Variants in FSTL5 observed in about 807,000 individuals in gnomAD.
The protein encoded by FSTL5 is follistatin like 5.
FSTL5 carries 62 observed loss-of-function variants against 89.1 expected under a neutral mutation model. The observed-to-expected ratio is 0.70, with a 90% confidence interval of 0.57 to 0.86. The LOEUF is 0.86. Ranked by LOEUF, FSTL5 falls within the 40% of genes least tolerant of loss-of-function variation. The probability of loss-of-function intolerance (pLI) is 0.00; values close to 1 mark genes in which losing one functional copy is unlikely to be tolerated. For missense variants in FSTL5, 1,057 were observed against 1,001.6 expected (o/e 1.06, Z -0.75); for synonymous variants, 383 against 346.2 (o/e 1.11, Z -1.18).
At chr4:161,622,425 C>G (rs993914808) in intron 7 of FSTL5, among the ~76,000 whole-genome samples, 4 of 151,970 alleles carry the variant, frequency 2.6e-5, no homozygotes, top group African/African-American at 9.7e-5. Context: ...AAACACATTA[C>G]TACAATAGAA....
chr4:161,412,568 G>A (rs1731630314), intron 15 of FSTL5, among the ~76,000 whole-genome samples: 1 of 152,112 alleles, frequency 6.6e-6, no homozygotes, highest in Admixed American at 6.6e-5. Flanking sequence ...GTTAATGGGT[G>A]CAGCAAACCA....
chr4:161,438,920 C>CTGGTAT (rs1464896761), intron 15 of FSTL5, among the ~76,000 whole-genome samples: 1 of 150,186 alleles, frequency 6.7e-6, no homozygotes, highest in African/African-American at 2.4e-5. Context: ...AAAGTCTATG[C>CTGGTAT]TGGTATTATA....
chr4:162,008,903 T>A (rs1736685019), intron 3 of FSTL5, among the ~76,000 whole-genome samples: 1 of 152,054 alleles, frequency 6.6e-6, no homozygotes, highest in African/African-American at 2.4e-5. Flanking sequence ...TGTAAGAATG[T>A]TTCTCTACTT....
At chr4:161,631,401 G>C (rs1471845092) in intron 7 of FSTL5, among the ~76,000 whole-genome samples, 2 of 152,064 alleles carry the variant, frequency 1.3e-5, no homozygotes, top group East Asian at 3.9e-4. Flanking sequence ...ATGGATCACT[G>C]GGGTCACAAG....
chr4:161,404,243 G>A (rs1731280211), intron 15 of FSTL5, among the ~76,000 whole-genome samples: 1 of 152,200 alleles, frequency 6.6e-6, no homozygotes, highest in Admixed American at 6.5e-5. Flanking sequence ...TGAAGCTACT[G>A]AAGCGTGGGT....
chr4:161,828,009 A>T (rs1730719509), intron 4 of FSTL5, among the ~76,000 whole-genome samples: 1 of 152,218 alleles, frequency 6.6e-6, no homozygotes, highest in Admixed American at 6.5e-5. Flanking sequence ...TACAAAGTTC[A>T]GCTGGAAGTT....
At chr4:162,156,122 A>G (rs529305602) in intron 1 of FSTL5, among the ~76,000 whole-genome samples, 18 of 152,302 alleles carry the variant, frequency 1.2e-4, no homozygotes, top group African/African-American at 3.8e-4. Flanking sequence ...TTCAGAAGAC[A>G]TACAAACATG....
At chr4:161,671,249 C>T (rs1247857426) in intron 6 of FSTL5, among the ~76,000 whole-genome samples, 2 of 152,124 alleles carry the variant, frequency 1.3e-5, no homozygotes, top group Non-Finnish European at 2.9e-5. Context: ...ATATTAGAAC[C>T]TTCTTTACAT....
chr4:161,568,173 T>C (rs570983992), intron 8 of FSTL5, among the ~76,000 whole-genome samples: 2 of 152,182 alleles, frequency 1.3e-5, no homozygotes, highest in African/African-American at 4.8e-5. Flanking sequence ...TTACCCACAA[T>C]GCAGGTAATA....
intron 3 of FSTL5, among the ~76,000 whole-genome samples, chr4:161,937,947 TAGCAACATGTCC>T (rs144936271): frequency 0.054 from 8,275 of 152,274 alleles, 282 homozygotes; most frequent in Non-Finnish European, 0.08. Flanking sequence ...CTCACCTTTC[TAGCAACATGTCC>T]AGTTTCTTTG....
intron 7 of FSTL5, among the ~76,000 whole-genome samples, chr4:161,591,352 T>A (rs1336255207): frequency 6.6e-6 from 1 of 152,112 alleles, no homozygotes; most frequent in Non-Finnish European, 1.5e-5. Context: ...GAAGTCCTTT[T>A]TGGAGGGATG....
chr4:161,651,240 G>A (rs1736330344), intron 7 of FSTL5, among the ~76,000 whole-genome samples: 1 of 150,992 alleles, frequency 6.6e-6, no homozygotes, highest in Admixed American at 6.6e-5. Context: ...CCAGCTGAGT[G>A]AATATAATGG....
intron 5 of FSTL5, among the ~76,000 whole-genome samples, chr4:161,768,575 T>C (rs1257008033): frequency 6.6e-6 from 1 of 151,998 alleles, no homozygotes; most frequent in African/African-American, 2.4e-5. Context: ...CTAAACTGTA[T>C]TTCAATGTGT....
At chr4:161,667,661 C>T (rs1440913791) in intron 6 of FSTL5, among the ~76,000 whole-genome samples, 4 of 152,014 alleles carry the variant, frequency 2.6e-5, no homozygotes, top group African/African-American at 9.7e-5. Context: ...GTATTTGATT[C>T]ATTTAACTTT....
chr4:161,963,726 A>G (rs184130133), intron 3 of FSTL5, among the ~76,000 whole-genome samples: 70 of 152,128 alleles, frequency 4.6e-4, no homozygotes, highest in Admixed American at 2.0e-4. Flanking sequence ...CATAATGTAC[A>G]TACTTATGAT....
intron 15 of FSTL5, among the ~76,000 whole-genome samples, chr4:161,413,111 A>G (rs1210324886): frequency 6.6e-6 from 1 of 152,128 alleles, no homozygotes; most frequent in Non-Finnish European, 1.5e-5. Context: ...AACTATCAAC[A>G]GAACAAATAG....
intron 6 of FSTL5, among the ~76,000 whole-genome samples, chr4:161,693,215 T>TA (rs1442509102): frequency 6.6e-6 from 1 of 152,238 alleles, no homozygotes; most frequent in African/African-American, 2.4e-5. Context: ...ACCATTTTCT[T>TA]AAAGATTTCC....
intron 4 of FSTL5, among the ~76,000 whole-genome samples, chr4:161,878,391 T>C (rs934240254): frequency 4.6e-5 from 7 of 152,124 alleles, no homozygotes; most frequent in South Asian, 2.1e-4. Context: ...TTTGCAAATA[T>C]TGTTGGGAAT....
intron 1 of FSTL5, among the ~76,000 whole-genome samples, chr4:162,129,241 C>T (rs72986905): frequency 6.6e-6 from 1 of 152,110 alleles, no homozygotes; most frequent in Non-Finnish European, 1.5e-5. Context: ...CCGAGACTTT[C>T]TATTTTTATG....
Sources: allele counts gnomAD v4.1 joint callset (sites outside exome capture counted in the v4.1 genomes callset), GRCh38; gene constraint gnomAD v4.1.1; transcripts MANE v1.5; gene names NCBI Gene and HGNC (gene_info 2026-07-23, HGNC 2026-07-21).